Variants in AGAP1 observed in about 807,000 individuals in gnomAD.
The protein encoded by AGAP1 is ArfGAP with GTPase domain, ankyrin repeat and PH domain 1, also known as arf-GAP with GTPase, ANK repeat and PH domain-containing protein 1.
In AGAP1, 29 loss-of-function variants were observed where a neutral mutation model predicts 105.3. The ratio of observed to expected loss-of-function variants is 0.28; its 90% CI spans 0.21 to 0.38. AGAP1 has a LOEUF of 0.38. Ranked by LOEUF, AGAP1 falls within the 10% of genes least tolerant of loss-of-function variation. AGAP1 has a pLI of 1.00. For missense variants in AGAP1, 998 were observed against 1,165.1 expected, an observed-to-expected ratio of 0.86 and a Z score of 2.09; for synonymous variants, 509 against 485.9, an observed-to-expected ratio of 1.05 and a Z score of -0.63.
At chr2:235,990,698 C>T (rs1033703316) in intron 13 of AGAP1, among the ~76,000 whole-genome samples, 1 of 152,290 alleles carries the variant, frequency 6.6e-6, no homozygotes, top group South Asian at 2.1e-4. Flanking sequence ...GTAGTCAACA[C>T]AGTCAGAGTC....
chr2:235,771,695 A>T (rs939994950), intron 6 of AGAP1, among the ~76,000 whole-genome samples: 1 of 152,082 alleles, frequency 6.6e-6, no homozygotes, highest in Non-Finnish European at 1.5e-5. Context: ...CGTCAGTTAC[A>T]TCTTGTGCAG....
chr2:235,954,002 G>A (rs895716914), intron 12 of AGAP1, among the ~76,000 whole-genome samples: 3 of 151,958 alleles, frequency 2.0e-5, no homozygotes, highest in African/African-American at 4.8e-5. Context: ...GGCTGAGGCA[G>A]GCAGATCACC....
In AGAP1 at chr2:236,126,897, T is replaced by G. The variant is rs1315011517; in HGVS notation, c.*2775T>G. On this transcript the variant is annotated 3_prime_UTR_variant, in exon 18 of 18. Coordinates refer to ENST00000304032, the MANE Select transcript of AGAP1 (RefSeq NM_001037131.3). ...CTTTCAAGCTAATTACCACCAAGGC[T>G]GGGAGAGGCAAGGACTGGGGGCGGA... The G allele has an allele frequency of 6.6e-6, 1 of 152,270 alleles. No homozygotes were observed. Among genetic ancestry groups the G allele is most frequent in the Non-Finnish European group, 1.5e-5 (1 of 68,076 alleles). The allele number at this position is 152,270 out of a possible 1,614,324, so 9.4% of individuals were successfully genotyped here. A position where few individuals can be genotyped will look rare whatever the true frequency, so the allele number is the denominator to read the frequency against.
intron 6 of AGAP1, among the ~76,000 whole-genome samples, chr2:235,761,842 G>A (rs1954469292): frequency 6.6e-6 from 1 of 152,052 alleles, no homozygotes; most frequent in South Asian, 2.1e-4. Context: ...GCGCACAGTG[G>A]CTCATGCCTG....
chr2:235,567,265 G>C (rs1015285919), intron 1 of AGAP1, among the ~76,000 whole-genome samples: 2 of 152,354 alleles, frequency 1.3e-5, no homozygotes, highest in African/African-American at 4.8e-5. Context: ...CAGCTGGAAG[G>C]ATGTTCAGAT....
rs2049774881 is a variant in AGAP1 at position 235,876,932 on chromosome 2, C to G, written c.1051-6413C>G. Among the ~76,000 whole-genome samples, 4 of 150,600 alleles carry G rather than the reference C, an allele frequency of 2.7e-5. No homozygotes were observed. The South Asian group carries it at 8.4e-4, about 32-fold the overall frequency. On this transcript the variant is annotated intron_variant, in intron 9 of 17. Coordinates refer to ENST00000304032, the MANE Select transcript of AGAP1 (RefSeq NM_001037131.3). Reference sequence around the variant, plus strand: ...GCGCAATCTTGGCTCACTGCAACCTCTGCCTCCCGGGTTCAAGCAATTCTT... The same window carrying G: ...GCGCAATCTTGGCTCACTGCAACCTGTGCCTCCCGGGTTCAAGCAATTCTT...
chr2:235,515,350 C>T (rs1228743585), intron 1 of AGAP1, among the ~76,000 whole-genome samples: 1 of 152,146 alleles, frequency 6.6e-6, no homozygotes, highest in African/African-American at 2.4e-5. Context: ...TTTATTGGCC[C>T]AGATTCTGCC....
In AGAP1 at chr2:235,717,603, G is replaced by T. The variant is rs1310810988; in HGVS notation, c.269G>T (p.Arg90Leu). Residue 90 changes from arginine to leucine, a missense_variant, in exon 3 of 18, where the codon CGG becomes CTG. Around this residue, in one of 3 missense-constraint regions of AGAP1, gnomAD observed 735 missense variants for 833.4 expected, o/e 0.88. Transcript: ENST00000304032. ...AGCGGCAAGTCTGCCCTGGTGCACC[G>T]GTACCTGACGGGCACATATGTCCAG... ...LASGKSALVH[R>L]YLTGTYVQEE... 1 of 1,603,862 alleles carries T rather than the reference G, an allele frequency of 6.2e-7. No individual in the cohort carries two copies. The highest frequency in any genetic ancestry group is 8.5e-7 in the Non-Finnish European group (1 of 1,177,826).
rs192280708 is a variant in AGAP1 at position 235,765,653 on chromosome 2, G to A, written c.673+15165G>A. Among the ~76,000 whole-genome samples, 155 of 152,290 alleles carry A rather than the reference G, an allele frequency of 1.0e-3. 3 individuals are homozygous for A. The highest frequency in any genetic ancestry group is 6.8e-3 in the Middle Eastern group (2 of 294). On this transcript the variant is annotated intron_variant, in intron 6 of 17. Coordinates refer to ENST00000304032, the MANE Select transcript of AGAP1 (RefSeq NM_001037131.3). ...AGCACTTTGCCTTGTACGTGTCTAC[G>A]TCTGCAGGAGGGGCTGTGACTCATC...
chr2:236,019,852 G>GT (rs1266579169), intron 13 of AGAP1, among the ~76,000 whole-genome samples: 1 of 152,238 alleles, frequency 6.6e-6, no homozygotes, highest in African/African-American at 2.4e-5. Context: ...TCACTGCAGT[G>GT]TCTGATCAAG....
At chr2:235,581,814 A>G (rs1037501288) in intron 1 of AGAP1, among the ~76,000 whole-genome samples, 4 of 152,166 alleles carry the variant, frequency 2.6e-5, no homozygotes, top group African/African-American at 7.2e-5. Context: ...TCAAAAAAAA[A>G]GAAAGAAAGA....
At position 235,855,783 on chromosome 2, in the gene AGAP1, C is replaced by T. The variant is rs1466268059; in HGVS notation, c.1051-27562C>T. Among the ~76,000 whole-genome samples, 3 of 152,140 alleles carry T rather than the reference C, an allele frequency of 2.0e-5. No homozygotes were observed. The highest frequency in any genetic ancestry group is 1.9e-4 in the East Asian group (1 of 5,198). The stretch of plus-strand genomic sequence containing the variant: ...AGTGACAAGTGGGTGATTGGGGACA[C>T]GTCCTTGAGGCTCATGCCTTAGAGG... On this transcript the variant is annotated intron_variant, in intron 9 of 17. Coordinates refer to ENST00000304032, the MANE Select transcript of AGAP1 (RefSeq NM_001037131.3). This position sits in a 1 kb window ranked among gnomAD's most constrained non-coding sequence, Gnocchi z 5.0.
At chr2:236,052,111 A>C (rs2057918827) in intron 16 of AGAP1, among the ~76,000 whole-genome samples, 1 of 152,156 alleles carries the variant, frequency 6.6e-6, no homozygotes, top group East Asian at 1.9e-4. Flanking sequence ...GGTTCTTTTA[A>C]TGTGGCCCTG....
rs149534638 is a variant in AGAP1, at chr2:235,793,018, G to A, written c.674-4741G>A. 2.6e-5 allele frequency among the ~76,000 whole-genome samples: 4 copies of A among 152,288 alleles called. No individual in the cohort carries two copies. In the East Asian group the frequency reaches 7.7e-4, roughly 30 times the overall value. ...CAGCAAGGGAGGATGAGAAAGAGAAGTTCCAGCCGGAGGAGGAAAACCAGG... is the reference window on the plus strand; with the variant it reads ...CAGCAAGGGAGGATGAGAAAGAGAAATTCCAGCCGGAGGAGGAAAACCAGG... On this transcript the variant is annotated intron_variant, in intron 6 of 17. Coordinates refer to ENST00000304032, the MANE Select transcript of AGAP1 (RefSeq NM_001037131.3). This position sits in a 1 kb window ranked among gnomAD's most constrained non-coding sequence, Gnocchi z 5.3.
At chr2:236,018,385 G>C (rs1235246609) in intron 13 of AGAP1, among the ~76,000 whole-genome samples, 2 of 152,230 alleles carry the variant, frequency 1.3e-5, no homozygotes, top group Admixed American at 6.5e-5. Context: ...AGTGGCAGAA[G>C]AGTGGACGTT....
At position 235,660,414 on chromosome 2, in the gene AGAP1, T is replaced by A. The variant is rs1947909614; in HGVS notation, c.164-48765T>A. Among the ~76,000 whole-genome samples, 1 of 152,124 alleles carries A rather than the reference T, an allele frequency of 6.6e-6. No homozygotes were observed. The highest frequency in any genetic ancestry group is 2.4e-5 in the African/African-American group (1 of 41,418). ...CAACCATCAAGCAGCATTTATTAAGTAGAACATTGATAAGGGCTTGAGGGT... is the reference window on the plus strand; with the variant it reads ...CAACCATCAAGCAGCATTTATTAAGAAGAACATTGATAAGGGCTTGAGGGT... On this transcript the variant is annotated intron_variant, in intron 1 of 17. Transcript: ENST00000304032. The surrounding 1 kb of genome is among the most constrained non-coding windows in gnomAD (Gnocchi z 5.3).
chr2:235,876,673 GT>G (rs760716575), intron 9 of AGAP1, among the ~76,000 whole-genome samples: 1 of 152,170 alleles, frequency 6.6e-6, no homozygotes, highest in Non-Finnish European at 1.5e-5. Flanking sequence ...GCCTGACTTT[GT>G]GCTGGCCCCG....
chr2:236,066,680 G>A (rs1007883033), intron 16 of AGAP1, among the ~76,000 whole-genome samples: 1 of 151,930 alleles, frequency 6.6e-6, no homozygotes, highest in Non-Finnish European at 1.5e-5. Context: ...TTTATATTGG[G>A]GTATAATTTG....
Position 235,875,029 on chromosome 2 carries a change from T to C in AGAP1, c.1051-8316T>C, listed in dbSNP as rs2049646565. Reference sequence around the variant, plus strand: ...AAAGAAACTAGAACTGGTTGAAGACTGAGTTTTGGGAGAAGAACCCTGGAG... The same window carrying C: ...AAAGAAACTAGAACTGGTTGAAGACCGAGTTTTGGGAGAAGAACCCTGGAG... On this transcript the variant is annotated intron_variant, in intron 9 of 17. Transcript: ENST00000304032. The surrounding 1 kb of genome is among the most constrained non-coding windows in gnomAD (Gnocchi z 4.0). Among the ~76,000 whole-genome samples, 1 of 152,188 alleles carries C rather than the reference T, an allele frequency of 6.6e-6. No individual in the cohort carries two copies. Among genetic ancestry groups the C allele is most frequent in the African/African-American group, 2.4e-5 (1 of 41,452 alleles).
Sources: allele counts gnomAD v4.1 joint callset (sites outside exome capture counted in the v4.1 genomes callset), GRCh38; gene constraint gnomAD v4.1.1; regional missense constraint gnomAD v4.1.1; non-coding constraint Gnocchi (gnomAD v3.1); transcripts MANE v1.5; gene names NCBI Gene and HGNC (gene_info 2026-07-23, HGNC 2026-07-21).